Variants in ALPK2 observed in about 807,000 individuals in gnomAD.
ALPK2 encodes alpha kinase 2.
Under a neutral mutation model 163.1 loss-of-function variants are expected in ALPK2, and 127 were observed. That is an observed-to-expected ratio of 0.78 (90% confidence interval 0.67 to 0.90). The LOEUF (loss-of-function observed/expected upper bound fraction) is 0.90, where lower values mean the gene tolerates loss of function less well. Ranked by LOEUF, ALPK2 falls within the 40% of genes least tolerant of loss-of-function variation. The pLI is 0.00. For synonymous variants in ALPK2, 953 were observed against 959.1 expected (o/e 0.99, Z 0.12); for missense variants, 2,360 against 2,589.6 (o/e 0.91, Z 1.92).
intron 3 of ALPK2, among the ~76,000 whole-genome samples, chr18:58,589,873 T>C (rs1337879336): frequency 2.6e-5 from 4 of 152,220 alleles, no homozygotes; most frequent in Non-Finnish European, 5.9e-5. Flanking sequence ...CCAGGTGCCC[T>C]GAAGACAGGG....
chr18:58,509,905 A>C (rs1264414840), intron 10 of ALPK2, among the ~76,000 whole-genome samples: 10 of 151,770 alleles, frequency 6.6e-5, no homozygotes, highest in Non-Finnish European at 1.5e-4. Flanking sequence ...CCCATTTGTC[A>C]ATTTTGGCTT....
intron 12 of ALPK2, among the ~76,000 whole-genome samples, chr18:58,493,769 T>C (rs1379237631): frequency 6.6e-6 from 1 of 152,172 alleles, no homozygotes; most frequent in East Asian, 1.9e-4. Context: ...TCGTCGTTCC[T>C]TCCTCCGAGG....
intron 12 of ALPK2, among the ~76,000 whole-genome samples, chr18:58,494,705 C>T (rs1938343930): frequency 6.6e-6 from 1 of 152,186 alleles, no homozygotes; most frequent in African/African-American, 2.4e-5. Context: ...AGCTCACTCA[C>T]AGTTGCTTGC....
chr18:58,627,041 G>T (rs914566660), intron 1 of ALPK2, among the ~76,000 whole-genome samples: 11 of 152,214 alleles, frequency 7.2e-5, no homozygotes, highest in African/African-American at 2.4e-4. Flanking sequence ...AGTAAACTGG[G>T]GTTCAAACAG....
rs1452680345 is a variant in ALPK2 at position 58,578,967 on chromosome 18, A to T, written c.1809T>A (p.Ala603=). ...RSSHADAREC[A]ISTQAEQEAK... ...CTTCTTGCTCTGCCTGGGTTGAAATAGCACATTCTCTTGCATCAGCATGGG... is the reference window on the plus strand; with the variant it reads ...CTTCTTGCTCTGCCTGGGTTGAAATTGCACATTCTCTTGCATCAGCATGGG... The change falls in exon 4 of 13, where the codon GCT becomes GCA. Residue 603 remains alanine (A), a synonymous_variant. Coordinates refer to ENST00000361673, the MANE Select transcript of ALPK2 (RefSeq NM_052947.4). 2 of 1,614,208 alleles carry T rather than the reference A, an allele frequency of 1.2e-6. No homozygotes were observed. Among genetic ancestry groups the T allele is most frequent in the Admixed American group, 3.3e-5 (2 of 60,030 alleles).
In ALPK2 at chr18:58,481,733, C is replaced by G. The variant is rs538456739; in HGVS notation, c.*90G>C. The G allele has an allele frequency of 6.5e-6, 7 of 1,069,306 alleles. No individual in the cohort carries two copies. The South Asian group carries it at 9.9e-5, about 15-fold the overall frequency. 66.2% of individuals were successfully genotyped at this position (1,069,306 alleles called of 1,614,324 possible). A position where few individuals can be genotyped will look rare whatever the true frequency, so the allele number is the denominator to read the frequency against. On this transcript the variant is annotated 3_prime_UTR_variant, in exon 13 of 13. Coordinates refer to ENST00000361673, the MANE Select transcript of ALPK2 (RefSeq NM_052947.4). The stretch of plus-strand genomic sequence containing the variant: ...AGTAAGGATTGCCACGCACTCTCTG[C>G]AGGCTGTATATTCTCTCCTGTGTGG...
At chr18:58,568,627 T>A (rs925639318) in intron 4 of ALPK2, among the ~76,000 whole-genome samples, 1 of 152,220 alleles carries the variant, frequency 6.6e-6, no homozygotes, top group African/African-American at 2.4e-5. Flanking sequence ...ATTTGTGGAT[T>A]CAACCAATCA....
intron 4 of ALPK2, among the ~76,000 whole-genome samples, chr18:58,568,408 G>A (rs1283089078): frequency 6.6e-6 from 1 of 152,108 alleles, no homozygotes; most frequent in Non-Finnish European, 1.5e-5. Context: ...GCCCTACTCA[G>A]GGGAGGTGGA....
chr18:58,556,707 G>A (rs182602572), intron 4 of ALPK2, among the ~76,000 whole-genome samples: 3 of 152,210 alleles, frequency 2.0e-5, no homozygotes, highest in East Asian at 1.9e-4. Context: ...CCCCAGACTC[G>A]CTGAATCTTG....
In ALPK2 at chr18:58,541,434, A is replaced by G. The variant is rs1045506770; in HGVS notation, c.1963-3210T>C. Among the ~76,000 whole-genome samples the G allele has an allele frequency of 2.6e-5, 4 of 152,238 alleles. No individual in the cohort carries two copies. The South Asian group carries it at 6.2e-4, about 24-fold the overall frequency. On this transcript the variant is annotated intron_variant, in intron 4 of 12. Transcript: ENST00000361673. ...CACCTCCCACTGGGCCCCACCTCCAACATTGGGGATTACATCTCAGTGCAA... is the reference window on the plus strand; with the variant it reads ...CACCTCCCACTGGGCCCCACCTCCAGCATTGGGGATTACATCTCAGTGCAA...
At chr18:58,506,155 A>AGGGC (rs2051460752) in intron 10 of ALPK2, among the ~76,000 whole-genome samples, 1 of 152,062 alleles carries the variant, frequency 6.6e-6, no homozygotes. Flanking sequence ...TCTCAAATTT[A>AGGGC]ACTCTGCATT....
rs1162449736 is a variant in ALPK2 at position 58,537,275 on chromosome 18, G to T, written c.2912C>A (p.Thr971Asn). 6.2e-7 allele frequency: 1 copy of T among 1,614,208 alleles called. No individual in the cohort carries two copies. The change falls in exon 5 of 13, where the codon ACC (threonine) becomes AAC (asparagine). Residue 971 changes from threonine to asparagine, a missense_variant. Coordinates refer to ENST00000361673, the MANE Select transcript of ALPK2 (RefSeq NM_052947.4). ...ACTATAACTGGCTGGTGTGGCTGTG[G>T]TGTCTGCGGCACTAGGACTGGGGCT... ...DKSPSPSAAD[T>N]TATPASYSSI...
At chr18:58,513,071 TTG>T (rs1244421755) in intron 10 of ALPK2, among the ~76,000 whole-genome samples, 4 of 139,188 alleles carry the variant, frequency 2.9e-5, no homozygotes, top group South Asian at 2.4e-4. Flanking sequence ...ATGGTGAGTG[TTG>T]TGTGTTTGTG....
In ALPK2 at chr18:58,551,306, T is replaced by C. The variant is rs2051759032; in HGVS notation, c.1963-13082A>G. On this transcript the variant is annotated intron_variant, in intron 4 of 12. Coordinates refer to ENST00000361673, the MANE Select transcript of ALPK2 (RefSeq NM_052947.4). The stretch of plus-strand genomic sequence containing the variant: ...GCTGCACTCCTCTGGAGGTCCTCCC[T>C]TGCCTCTTCCAGCTTCTGGTGGCTC... 3.9e-5 allele frequency among the ~76,000 whole-genome samples: 6 copies of C among 152,184 alleles called. No homozygotes were observed. In the South Asian group the frequency reaches 1.2e-3, roughly 31 times the overall value.
intron 4 of ALPK2, among the ~76,000 whole-genome samples, chr18:58,560,168 G>T (rs141663203): frequency 1.2e-4 from 18 of 152,148 alleles, no homozygotes; most frequent in African/African-American, 4.3e-4. Flanking sequence ...GTTCTTTCCC[G>T]CACCGTTCTC....
intron 11 of ALPK2, 90 bp downstream of exon 11, chr18:58,503,841 A>C: frequency 8.0e-7 from 1 of 1,253,292 alleles, no homozygotes; most frequent in Non-Finnish European, 1.1e-6. Context: ...CAGCAGGCCT[A>C]TCCTTCCTCT....
At chr18:58,539,951 G>T (rs2051681771) in intron 4 of ALPK2, among the ~76,000 whole-genome samples, 1 of 152,050 alleles carries the variant, frequency 6.6e-6, no homozygotes, top group Non-Finnish European at 1.5e-5. Flanking sequence ...CATATTTGAT[G>T]GGCATAAAAA....
chr18:58,569,569 C>CTGGTCCGCGGACTACACCA (rs2051874373), intron 4 of ALPK2, among the ~76,000 whole-genome samples: 2 of 152,166 alleles, frequency 1.3e-5, no homozygotes, highest in African/African-American at 2.4e-5. Flanking sequence ...TTCTAACCAG[C>CTGGTCCGCGGACTACACCA]TGGTCCGCGG....
chr18:58,601,883 T>C (rs2052071867), intron 3 of ALPK2, among the ~76,000 whole-genome samples: 1 of 152,172 alleles, frequency 6.6e-6, no homozygotes. Flanking sequence ...TGCTCAACCT[T>C]GGTGCTCCAG....
Sources: gnomAD v4.1 joint callset for allele counts (sites outside exome capture counted in the v4.1 genomes callset) on GRCh38, gnomAD v4.1.1 for gene constraint, MANE v1.5 for transcripts, NCBI Gene and HGNC (gene_info 2026-07-23, HGNC 2026-07-21) for gene names.